PTPRR: variants seen among roughly 807,000 people sequenced by gnomAD.
PTPRR encodes receptor-type tyrosine-protein phosphatase R.
PTPRR carries 38 observed loss-of-function variants against 77.2 expected under a neutral mutation model. The observed-to-expected ratio is 0.49, with a 90% CI of 0.38 to 0.65. The LOEUF (loss-of-function observed/expected upper bound fraction) is 0.65. Ranked by LOEUF, PTPRR falls within the 30% of genes least tolerant of loss-of-function variation. PTPRR has a pLI of 0.00. For synonymous variants in PTPRR, 299 were observed against 283.1 expected, an observed-to-expected ratio of 1.06 and a Z score of -0.57; for missense variants, 744 against 799.2, an observed-to-expected ratio of 0.93 and a Z score of 0.83.
At position 70,827,845 on chromosome 12, in the gene PTPRR, C is replaced by T. The variant is rs373521115; in HGVS notation, c.358-63067G>A. Among the ~76,000 whole-genome samples the T allele has an allele frequency of 6.0e-4, 90 of 150,180 alleles. No homozygotes were observed. The South Asian group carries it at 0.016, about 26-fold the overall frequency. The stretch of plus-strand genomic sequence containing the variant: ...AAGCAATTCTCCTGTCTCAGCCTCC[C>T]GAGTAGCTGGGACTACAGGCGCCCA... On this transcript the variant is annotated intron_variant, in intron 2 of 13. Transcript: ENST00000283228.
At chr12:70,681,530 G>A (rs1203669171) in intron 10 of PTPRR, among the ~76,000 whole-genome samples, 3 of 152,192 alleles carry the variant, frequency 2.0e-5, no homozygotes, top group African/African-American at 7.2e-5. Context: ...ACTGGCTGGG[G>A]AGATGGCGGT....
chr12:70,862,006 T>C (rs1230480044), intron 2 of PTPRR, among the ~76,000 whole-genome samples: 2 of 152,058 alleles, frequency 1.3e-5, no homozygotes, highest in African/African-American at 2.4e-5. Context: ...ACAAGGTAAA[T>C]ATATCAGAAT....
intron 2 of PTPRR, among the ~76,000 whole-genome samples, chr12:70,845,182 G>A (rs1892463049): frequency 6.6e-6 from 1 of 150,408 alleles, no homozygotes; most frequent in Non-Finnish European, 1.5e-5. Context: ...AGGTTTCAGT[G>A]GTGGGTGAGA....
chr12:70,739,309 C>A (rs1889971889), intron 6 of PTPRR, among the ~76,000 whole-genome samples: 3 of 152,092 alleles, frequency 2.0e-5, no homozygotes, highest in Admixed American at 1.3e-4. Context: ...TTTGTAGTAT[C>A]CTTTGAAGGT....
intron 2 of PTPRR, among the ~76,000 whole-genome samples, chr12:70,777,702 G>A (rs1191918856): frequency 6.6e-6 from 1 of 152,092 alleles, no homozygotes; most frequent in Admixed American, 6.5e-5. Flanking sequence ...TCTTCCTTCT[G>A]TCTGCAAGCT....
intron 2 of PTPRR, among the ~76,000 whole-genome samples, chr12:70,886,218 A>C (rs777090047): frequency 1.3e-5 from 2 of 152,234 alleles, no homozygotes; most frequent in Non-Finnish European, 1.5e-5. Context: ...TGCCAAGCTC[A>C]AGAACGGAAT....
chr12:70,708,815 A>AACACAC lies in PTPRR; in HGVS notation c.1008-7498_1008-7493dup, dbSNP rs142909764. On this transcript the variant is annotated intron_variant, in intron 6 of 13. Transcript: ENST00000283228. ...TGATTTAAATATAAATACAAATACAAACACACACACACACACACACACACA... is the reference window on the plus strand; with the variant it reads ...TGATTTAAATATAAATACAAATACAAACACACACACACACACACACACACACACACA... Among the ~76,000 whole-genome samples the AACACAC allele has an allele frequency of 5.9e-3, 521 of 89,010 alleles. 5 individuals carry two copies. Among genetic ancestry groups the AACACAC allele is most frequent in the African/African-American group, 0.015 (443 of 30,446 alleles). The allele number at this position is 89,010 out of a possible 152,430, so 58.4% of individuals were successfully genotyped here. A position where few individuals can be genotyped will look rare whatever the true frequency, so the allele number is the denominator to read the frequency against.
chr12:70,721,727 C>A (rs1440830017), intron 6 of PTPRR, among the ~76,000 whole-genome samples: 1 of 152,130 alleles, frequency 6.6e-6, no homozygotes, highest in East Asian at 1.9e-4. Context: ...CCCGTTTAAT[C>A]TTTATTTCAC....
At chr12:70,727,228 T>A (rs922304895) in intron 6 of PTPRR, among the ~76,000 whole-genome samples, 3 of 152,144 alleles carry the variant, frequency 2.0e-5, no homozygotes, top group African/African-American at 7.2e-5. Context: ...CCCGATTTTT[T>A]TTTTTCTCTC....
At chr12:70,698,821 G>A (rs1317644868) in intron 7 of PTPRR, among the ~76,000 whole-genome samples, 2 of 152,002 alleles carry the variant, frequency 1.3e-5, no homozygotes, top group African/African-American at 2.4e-5. Context: ...AATATAAAGG[G>A]CTTTTTTGTT....
chr12:70,694,771 G>C (rs1888173277), intron 8 of PTPRR, among the ~76,000 whole-genome samples: 1 of 151,924 alleles, frequency 6.6e-6, no homozygotes, highest in Non-Finnish European at 1.5e-5. Flanking sequence ...ATATACCCTT[G>C]TAACAAACCT....
chr12:70,883,073 C>A (rs576125445), intron 2 of PTPRR, among the ~76,000 whole-genome samples: 53 of 152,184 alleles, frequency 3.5e-4, no homozygotes, highest in African/African-American at 1.3e-3. Flanking sequence ...CCAGCCTGGC[C>A]AACATAGTGA....
chr12:70,704,254 T>C (rs1315252565), intron 6 of PTPRR, among the ~76,000 whole-genome samples: 6 of 151,842 alleles, frequency 4.0e-5, no homozygotes, highest in Admixed American at 1.3e-4. Flanking sequence ...AGACCCTGTC[T>C]CTACAAAAAA....
chr12:70,669,715 C>T (rs1887148415), intron 10 of PTPRR, among the ~76,000 whole-genome samples: 1 of 151,982 alleles, frequency 6.6e-6, no homozygotes, highest in Non-Finnish European at 1.5e-5. Flanking sequence ...CATTTGTACA[C>T]CACCATGCCT....
At chr12:70,785,847 T>C (rs1214742209) in intron 2 of PTPRR, among the ~76,000 whole-genome samples, 1 of 152,202 alleles carries the variant, frequency 6.6e-6, no homozygotes, top group Non-Finnish European at 1.5e-5. Flanking sequence ...GTTACTTGTT[T>C]TTAACAGAGT....
chr12:70,892,626 A>G (rs909934941), intron 2 of PTPRR, 53 bp downstream of exon 2: 1 of 1,584,940 alleles, frequency 6.3e-7, no homozygotes, highest in South Asian at 1.1e-5. Context: ...TCAAGCATCA[A>G]TGACAGGAAA....
At chr12:70,660,860 G>A in intron 12 of PTPRR, 80 bp downstream of exon 12, 1 of 1,390,882 alleles carries the variant, frequency 7.2e-7, no homozygotes, top group Non-Finnish European at 9.6e-7. Context: ...CATCCAGGAA[G>A]CAAAACCCAC....
chr12:70,870,429 TG>T (rs368317436), intron 2 of PTPRR, among the ~76,000 whole-genome samples: 137 of 152,320 alleles, frequency 9.0e-4, no homozygotes, highest in African/African-American at 3.2e-3. Context: ...TATTCCCTAC[TG>T]CTACTCTTTA....
intron 7 of PTPRR, among the ~76,000 whole-genome samples, chr12:70,700,360 G>A (rs1513107): frequency 0.086 from 13,156 of 152,132 alleles, 1,434 homozygotes; most frequent in African/African-American, 0.26. Flanking sequence ...CTGAGTTGAT[G>A]TATGTTATCA....
Sources: allele counts gnomAD v4.1 joint callset (sites outside exome capture counted in the v4.1 genomes callset), GRCh38; gene constraint gnomAD v4.1.1; transcripts MANE v1.5; gene names NCBI Gene and HGNC (gene_info 2026-07-23, HGNC 2026-07-21).